The following LAMA2 variants were observed in gnomAD, a reference collection of about 807,000 sequenced individuals.
The protein encoded by LAMA2 is laminin subunit alpha-2.
A neutral mutation model predicts 364.8 loss-of-function variants in LAMA2; 269 were observed. The observed-to-expected ratio is 0.74, with a 90% CI of 0.67 to 0.82. The LOEUF is 0.82. Among genes scored for constraint, LAMA2 ranks in the 40% least tolerant of loss-of-function variants. The pLI is 0.00. For synonymous variants in LAMA2, 1,379 were observed against 1,370.6 expected (o/e 1.01, Z -0.14); for missense variants, 3,807 against 3,873.2 (o/e 0.98, Z 0.45).
chr6:128,903,132 T>C (rs769063905), intron 1 of LAMA2, among the ~76,000 whole-genome samples: 1 of 152,104 alleles, frequency 6.6e-6, no homozygotes, highest in Non-Finnish European at 1.5e-5. Context: ...ACATCTAGTA[T>C]GTTTATTTGA....
In LAMA2 at chr6:128,932,642, G is replaced by A. The variant is rs1779551110; in HGVS notation, c.112+49285G>A. ...TCTAGGTGACCACCTGTAGGATCAG[G>A]AAAGAACATATCTAGTCCTGGAGTT... On this transcript the variant is annotated intron_variant, in intron 1 of 64. Coordinates refer to ENST00000421865, the MANE Select transcript of LAMA2 (RefSeq NM_000426.4). 2.6e-5 allele frequency among the ~76,000 whole-genome samples: 4 copies of A among 152,146 alleles called. No homozygotes were observed. In the South Asian group the frequency reaches 8.3e-4, roughly 32 times the overall value.
At chr6:128,978,955 C>A (rs1782695667) in intron 1 of LAMA2, among the ~76,000 whole-genome samples, 1 of 152,034 alleles carries the variant, frequency 6.6e-6, no homozygotes, top group Non-Finnish European at 1.5e-5. Context: ...GTCATTGTGG[C>A]TGGAATGCAA....
At chr6:129,416,624 A>G (rs890065963) in intron 40 of LAMA2, among the ~76,000 whole-genome samples, 1 of 152,150 alleles carries the variant, frequency 6.6e-6, no homozygotes. Context: ...TTCTGATGTC[A>G]CAGGATCCTT....
intron 12 of LAMA2, among the ~76,000 whole-genome samples, chr6:129,239,117 C>G (rs555594958): frequency 1.8e-4 from 27 of 152,266 alleles, no homozygotes; most frequent in African/African-American, 5.1e-4. Context: ...ATGTCAAATA[C>G]TATTCTAGAT....
intron 12 of LAMA2, among the ~76,000 whole-genome samples, chr6:129,232,319 A>G (rs1387672767): frequency 6.6e-6 from 1 of 152,106 alleles, no homozygotes; most frequent in Non-Finnish European, 1.5e-5. Context: ...ATAGAAAGGT[A>G]TATATTCTTA....
At chr6:128,939,620 G>T (rs551261974) in intron 1 of LAMA2, among the ~76,000 whole-genome samples, 18 of 152,222 alleles carry the variant, frequency 1.2e-4, no homozygotes, top group African/African-American at 4.3e-4. Context: ...AAGACCTATA[G>T]GCGGTTACAA....
chr6:129,041,109 A>T (rs1787058399), intron 1 of LAMA2, among the ~76,000 whole-genome samples: 1 of 152,208 alleles, frequency 6.6e-6, no homozygotes, highest in South Asian at 2.1e-4. Flanking sequence ...TTCAAGTTTG[A>T]ACTAGGCTTC....
At chr6:128,904,320 C>T (rs1777279188) in intron 1 of LAMA2, among the ~76,000 whole-genome samples, 1 of 152,004 alleles carries the variant, frequency 6.6e-6, no homozygotes, top group Non-Finnish European at 1.5e-5. Context: ...GCCCTTAACA[C>T]CAGTTTTAAT....
intron 4 of LAMA2, among the ~76,000 whole-genome samples, chr6:129,135,632 T>C (rs1777749098): frequency 6.6e-6 from 1 of 152,216 alleles, no homozygotes; most frequent in Admixed American, 6.5e-5. Context: ...ATATCTCTGG[T>C]TGGGGCACAC....
intron 1 of LAMA2, among the ~76,000 whole-genome samples, chr6:128,998,102 C>T (rs544845026): frequency 5.3e-5 from 8 of 151,766 alleles, no homozygotes; most frequent in East Asian, 1.9e-4. Context: ...GTGCCTGATG[C>T]GGAGAGGAGG....
chr6:128,993,520 G>A (rs1037860419), intron 1 of LAMA2, among the ~76,000 whole-genome samples: 4 of 152,146 alleles, frequency 2.6e-5, no homozygotes, highest in African/African-American at 4.8e-5. Flanking sequence ...GAGTTTCTCA[G>A]TATATACATG....
At chr6:129,017,728 T>C (rs1187250340) in intron 1 of LAMA2, among the ~76,000 whole-genome samples, 2 of 151,988 alleles carry the variant, frequency 1.3e-5, no homozygotes, top group Non-Finnish European at 2.9e-5. Context: ...TTAAACAAGG[T>C]TTTTTTCCTG....
chr6:129,445,071 G>A (rs951031642), intron 44 of LAMA2, among the ~76,000 whole-genome samples: 2 of 151,826 alleles, frequency 1.3e-5, no homozygotes, highest in African/African-American at 4.8e-5. Context: ...TGTAACACAG[G>A]GTAATCAACT....
intron 28 of LAMA2, among the ~76,000 whole-genome samples, chr6:129,325,765 GACAAA>G (rs1775241941): frequency 6.6e-6 from 1 of 152,116 alleles, no homozygotes; most frequent in South Asian, 2.1e-4. Context: ...ATATCTCTCA[GACAAA>G]ACTAACATAA....
chr6:129,100,564 C>A (rs1775463590), intron 4 of LAMA2, among the ~76,000 whole-genome samples: 1 of 152,166 alleles, frequency 6.6e-6, no homozygotes. Flanking sequence ...GATAATATAA[C>A]TGAAATAATA....
chr6:129,475,029 A>C (rs1783997517), intron 52 of LAMA2, among the ~76,000 whole-genome samples: 1 of 152,170 alleles, frequency 6.6e-6, no homozygotes, highest in Non-Finnish European at 1.5e-5. Context: ...TGTTAAGCTC[A>C]AGCTGTTTGA....
At chr6:129,269,212 T>A (rs2114351879) in intron 16 of LAMA2, among the ~76,000 whole-genome samples, 1 of 152,236 alleles carries the variant, frequency 6.6e-6, no homozygotes, top group South Asian at 2.1e-4. Context: ...CCATTTGAAG[T>A]AAGCCAGGAA....
chr6:129,161,291 A>T (rs1779425241), intron 8 of LAMA2, among the ~76,000 whole-genome samples: 1 of 152,042 alleles, frequency 6.6e-6, no homozygotes, highest in African/African-American at 2.4e-5. Context: ...CATTTAAAAG[A>T]TTTCTTATAA....
At chr6:129,453,431 A>G (rs1782789723) in intron 46 of LAMA2, among the ~76,000 whole-genome samples, 1 of 152,174 alleles carries the variant, frequency 6.6e-6, no homozygotes, top group South Asian at 2.1e-4. Context: ...ATGAGAATAA[A>G]GCTATTTTAT....
Sources: gnomAD v4.1 joint callset for allele counts (sites outside exome capture counted in the v4.1 genomes callset) on GRCh38, gnomAD v4.1.1 for gene constraint, MANE v1.5 for transcripts, NCBI Gene and HGNC (gene_info 2026-07-23, HGNC 2026-07-21) for gene names.